Variants in HEXB observed in about 807,000 individuals in gnomAD.
HEXB encodes hexosaminidase subunit beta, also known as beta-hexosaminidase subunit beta.
Under a neutral mutation model 71.2 loss-of-function variants are expected in HEXB, and 51 were observed. The ratio of observed to expected loss-of-function variants is 0.72; its 90% confidence interval spans 0.57 to 0.90. The LOEUF is 0.90. Among genes scored for constraint, HEXB ranks in the 40% least tolerant of loss-of-function variants. The pLI is 0.00. For missense variants in HEXB, 617 were observed against 677.0 expected, an observed-to-expected ratio of 0.91 and a Z score of 0.98; for synonymous variants, 266 against 249.3, an observed-to-expected ratio of 1.07 and a Z score of -0.63.
At chr5:74,709,934 T>C (rs1341664690) in intron 6 of HEXB, among the ~76,000 whole-genome samples, 1 of 151,948 alleles carries the variant, frequency 6.6e-6, no homozygotes, top group African/African-American at 2.4e-5. Flanking sequence ...CTAACTCATT[T>C]TATGAGGCCA....
chr5:74,676,936 G>A (rs938201469), intron 1 of HEXB, among the ~76,000 whole-genome samples: 2 of 152,084 alleles, frequency 1.3e-5, no homozygotes, highest in Non-Finnish European at 2.9e-5. Context: ...ACCCAGGCTG[G>A]AGTGCAGTGG....
intron 1 of HEXB, among the ~76,000 whole-genome samples, chr5:74,655,508 G>GT (rs757948750): frequency 5.3e-5 from 8 of 151,946 alleles, no homozygotes; most frequent in Non-Finnish European, 1.2e-4. Flanking sequence ...TTTTTTAAAT[G>GT]TATTTTTAGT....
intron 1 of HEXB, among the ~76,000 whole-genome samples, chr5:74,663,196 G>GGGGT (rs1554033029): frequency 2.7e-5 from 4 of 149,990 alleles, no homozygotes; most frequent in Non-Finnish European, 4.5e-5. Context: ...TTTTTTGGGG[G>GGGGT]GGTGGAGTGC....
intron 1 of HEXB, among the ~76,000 whole-genome samples, chr5:74,675,104 G>A (rs900636485): frequency 6.6e-6 from 1 of 152,154 alleles, no homozygotes; most frequent in African/African-American, 2.4e-5. Flanking sequence ...TCTGAATATT[G>A]CAAAGACAGC....
intron 1 of HEXB, among the ~76,000 whole-genome samples, chr5:74,688,791 G>A (rs1049740150): frequency 5.3e-5 from 8 of 152,166 alleles, no homozygotes; most frequent in Non-Finnish European, 1.2e-4. Flanking sequence ...CACACATTAG[G>A]ATGTCCAAAA....
chr5:74,674,532 A>G (rs1052221280), intron 1 of HEXB, among the ~76,000 whole-genome samples: 9 of 145,952 alleles, frequency 6.2e-5, no homozygotes, highest in Non-Finnish European at 1.3e-4. Context: ...TGAACCCGGG[A>G]GGCGGAGCTT....
chr5:74,681,845 T>C (rs1382969341), upstream of HEXB, among the ~76,000 whole-genome samples: 1 of 152,230 alleles, frequency 6.6e-6, no homozygotes, highest in African/African-American at 2.4e-5. Context: ...TTCGGTGACT[T>C]ACTTCTAAGG....
chr5:74,643,655 T>C (rs540309573), intron 1 of HEXB, among the ~76,000 whole-genome samples: 3 of 152,204 alleles, frequency 2.0e-5, no homozygotes, highest in Non-Finnish European at 4.4e-5. Flanking sequence ...ATAAGCAGCA[T>C]GCGGTTAAAT....
At chr5:74,656,228 G>A (rs1748215155) in intron 1 of HEXB, among the ~76,000 whole-genome samples, 1 of 152,034 alleles carries the variant, frequency 6.6e-6, no homozygotes, top group Admixed American at 6.6e-5. Context: ...GGCCTAGCCG[G>A]GTGGATCACT....
In HEXB at chr5:74,661,511, CTCTG is replaced by C. The variant is rs1247123007; in HGVS notation, c.-377+20955_-377+20958del. 5.5e-3 allele frequency among the ~76,000 whole-genome samples: 701 copies of C among 127,712 alleles called. 2 individuals are homozygous for C. Among genetic ancestry groups the C allele is most frequent in the African/African-American group, 0.011 (349 of 32,300 alleles). The allele number at this position is 127,712 out of a possible 152,430, so 83.8% of individuals were successfully genotyped here. A position where few individuals can be genotyped will look rare whatever the true frequency, so the allele number is the denominator to read the frequency against. The stretch of plus-strand genomic sequence containing the variant: ...GAAGTCATGAATTCATTTTCTCTCT[CTCTG>C]TGTGTGTGTGTGTGTGTGTGTGTGT... On this transcript the variant is annotated intron_variant, in intron 1 of 13. Coordinates refer to the HEXB transcript ENST00000511181.
intron 3 of HEXB, among the ~76,000 whole-genome samples, chr5:74,696,439 G>A (rs868828338): frequency 2.6e-5 from 4 of 152,054 alleles, no homozygotes; most frequent in Non-Finnish European, 5.9e-5. Context: ...AACCCCCAGG[G>A]TATGGGTACA....
At chr5:74,695,995 T>A (rs930234868) in intron 3 of HEXB, among the ~76,000 whole-genome samples, 2 of 152,182 alleles carry the variant, frequency 1.3e-5, no homozygotes, top group African/African-American at 4.8e-5. Context: ...ACAGAAACTT[T>A]CAGAGTTATT....
At position 74,718,813 on chromosome 5, in the gene HEXB, T is replaced by G; in HGVS notation, c.1259T>G (p.Ile420Arg). 5 of 1,614,104 alleles carry G rather than the reference T, an allele frequency of 3.1e-6. No homozygotes were observed. The highest frequency in any genetic ancestry group is 4.2e-6 in the Non-Finnish European group (5 of 1,179,998). The change falls in exon 11 of 14, where the codon ATA becomes AGA. Residue 420 changes from isoleucine (I) to arginine (R), a missense_variant. Ile to Arg is a moderately conservative substitution (Grantham distance 97, BLOSUM62 -3). Coordinates refer to ENST00000261416, the MANE Select transcript of HEXB (RefSeq NM_000521.4). ...DDKAKLAPGT[I>R]VEVWKDSAYP... ...CGTTAATAGCTTGCGCCGGGCACAA[T>G]AGTTGAAGTATGGAAAGACAGCGCA...
chr5:74,662,862 AAAC>A lies in HEXB; in HGVS notation c.-377+22307_-377+22309del, dbSNP rs541414241. Among the ~76,000 whole-genome samples the A allele has an allele frequency of 1.6e-3, 242 of 152,290 alleles. 1 individual carries two copies. The highest frequency in any genetic ancestry group is 5.5e-3 in the African/African-American group (227 of 41,558). ...AACAAACCTCATTTTACTGCTGAGGAAACAAAACCTGGAGGAATTTAAGCCATT... is the reference window on the plus strand; with the variant it reads ...AACAAACCTCATTTTACTGCTGAGGAAAAACCTGGAGGAATTTAAGCCATT... On this transcript the variant is annotated intron_variant, in intron 1 of 13. Coordinates refer to the HEXB transcript ENST00000511181.
intron 3 of HEXB, among the ~76,000 whole-genome samples, chr5:74,695,617 G>A (rs1408904763): frequency 2.0e-5 from 3 of 151,264 alleles, no homozygotes; most frequent in Non-Finnish European, 4.4e-5. Flanking sequence ...GAGGTGGGTG[G>A]ATCACTTGAG....
chr5:74,693,670 C>T lies in HEXB; in HGVS notation c.477C>T (p.Val159=), dbSNP rs1376091680. The change falls in exon 3 of 14, where the codon GTC becomes GTT. Residue 159 remains valine (V), a synonymous_variant. Transcript: ENST00000261416. ...TACTTGTGAAAGAACCAGTGGCTGT[C>T]CTTAAGGCCAACAGAGTTTGGGGAG... ...YTLLVKEPVA[V]LKANRVWGAL... is the part of the protein sequence containing the mutation. 1 of 1,613,120 alleles carries T rather than the reference C, an allele frequency of 6.2e-7. No homozygotes were observed. Among genetic ancestry groups the T allele is most frequent in the East Asian group, 2.2e-5 (1 of 44,884 alleles).
At chr5:74,710,800 G>T (rs1322202834) in intron 6 of HEXB, among the ~76,000 whole-genome samples, 2 of 150,132 alleles carry the variant, frequency 1.3e-5, no homozygotes, top group Non-Finnish European at 3.0e-5. Flanking sequence ...CAAACAAATG[G>T]AAGAAAATTC....
At chr5:74,688,421 A>G (rs820887) in intron 1 of HEXB, among the ~76,000 whole-genome samples, 80,836 of 118,096 alleles carry the variant, frequency 0.68, 30,469 homozygotes, top group Non-Finnish European at 0.76. Context: ...TGCAACCTCC[A>G]CCTCCCGGGT....
intron 3 of HEXB, among the ~76,000 whole-genome samples, chr5:74,695,125 G>A (rs1349487608): frequency 6.7e-6 from 1 of 150,304 alleles, no homozygotes; most frequent in Non-Finnish European, 1.5e-5. Context: ...TTTTATTTAT[G>A]TATAATATTA....
Sources: gnomAD v4.1 joint callset for allele counts (sites outside exome capture counted in the v4.1 genomes callset) on GRCh38, gnomAD v4.1.1 for gene constraint, MANE v1.5 for transcripts, NCBI Gene and HGNC (gene_info 2026-07-23, HGNC 2026-07-21) for gene names.